The following PBX3 variants were observed in gnomAD, a reference collection of about 807,000 sequenced individuals.
The protein encoded by PBX3 is PBX homeobox 3, also known as pre-B-cell leukemia transcription factor 3.
A neutral mutation model predicts 48.5 loss-of-function variants in PBX3; 14 were observed. That is an observed-to-expected ratio of 0.29 (90% confidence interval 0.19 to 0.45). The LOEUF (loss-of-function observed/expected upper bound fraction) is 0.45, where lower values mean the gene tolerates loss of function less well. PBX3 is among the 20% of genes least tolerant of loss of function. The probability of loss-of-function intolerance (pLI) is 1.00; values close to 1 mark genes in which losing one functional copy is unlikely to be tolerated. For missense variants in PBX3, 386 were observed against 546.7 expected, an observed-to-expected ratio of 0.71 and a Z score of 2.93; for synonymous variants, 210 against 200.3, an observed-to-expected ratio of 1.05 and a Z score of -0.41.
chr9:125,915,905 C>T lies in PBX3; in HGVS notation c.494C>T (p.Thr165Ile), dbSNP rs966517514. Residue 165 changes from threonine (T) to isoleucine (I), a missense_variant, in exon 3 of 9, where the codon ACA (threonine) becomes ATA (isoleucine). Physicochemically the swap from Thr to Ile is moderately conservative, Grantham distance 89. This residue lies in a region of PBX3 where 74 missense variants were observed against 206.1 expected (regional missense o/e 0.36). Transcript: ENST00000373489. ...ACCCAGATCAGACAAATCTATCACA[C>T]AGAACTGGAGAAATATGAACAGGTC... is the stretch of plus-strand genomic sequence containing the variant. ...KLTQIRQIYH[T>I]ELEKYEQACN... is the part of the protein sequence containing the mutation. 1.2e-6 allele frequency: 2 copies of T among 1,613,656 alleles called. No individual in the cohort carries two copies. The highest frequency in any genetic ancestry group is 1.7e-6 in the Non-Finnish European group (2 of 1,179,932).
intron 5 of PBX3, among the ~76,000 whole-genome samples, chr9:125,958,113 G>A (rs1842348061): frequency 6.6e-6 from 1 of 152,138 alleles, no homozygotes; most frequent in Non-Finnish European, 1.5e-5. Flanking sequence ...GGTCACTGAG[G>A]ATTTGTCCTG....
At chr9:125,882,117 C>T (rs1364280880) in intron 2 of PBX3, among the ~76,000 whole-genome samples, 1 of 151,688 alleles carries the variant, frequency 6.6e-6, no homozygotes, top group Non-Finnish European at 1.5e-5. Context: ...GTAATCCTAG[C>T]TACTATGGAG....
At chr9:125,780,201 C>T (rs1037632236) in intron 2 of PBX3, among the ~76,000 whole-genome samples, 1 of 137,336 alleles carries the variant, frequency 7.3e-6, no homozygotes, top group African/African-American at 2.7e-5. Context: ...CTGATCCCCC[C>T]ACCTCCCTCC....
At position 125,778,201 on chromosome 9, in the gene PBX3, A is replaced by C. The variant is rs993206017; in HGVS notation, c.274+29578A>C. On this transcript the variant is annotated intron_variant, in intron 2 of 8. Coordinates refer to ENST00000373489, the MANE Select transcript of PBX3 (RefSeq NM_006195.6). ...GGTCTCAAACTCCAGACCTCAGGTAATCCACTTACCTTGGCCTCCCCAAGT... is the reference window on the plus strand; with the variant it reads ...GGTCTCAAACTCCAGACCTCAGGTACTCCACTTACCTTGGCCTCCCCAAGT... Among the ~76,000 whole-genome samples the C allele has an allele frequency of 2.6e-5, 4 of 151,154 alleles. No homozygotes were observed. In the East Asian group the frequency reaches 5.9e-4, roughly 22 times the overall value.
intron 2 of PBX3, among the ~76,000 whole-genome samples, chr9:125,873,740 A>G (rs934128182): frequency 6.6e-6 from 1 of 152,172 alleles, no homozygotes; most frequent in Admixed American, 6.5e-5. Context: ...AAAGATTTTT[A>G]AAGTCTTCAA....
At chr9:125,827,699 G>T (rs1034633359) in intron 2 of PBX3, among the ~76,000 whole-genome samples, 3 of 152,034 alleles carry the variant, frequency 2.0e-5, no homozygotes, top group Non-Finnish European at 2.9e-5. Flanking sequence ...GTATTCTACC[G>T]TGCAGATGAA....
rs1839369299 is a variant in PBX3 at position 125,844,313 on chromosome 9, T to C, written c.275-71373T>C. Among the ~76,000 whole-genome samples the C allele has an allele frequency of 4.6e-5, 7 of 151,206 alleles. No homozygotes were observed. The South Asian group carries it at 1.5e-3, about 32-fold the overall frequency. ...ACCTTTTTTTTTTTTTTTTAAACTT[T>C]AGGATTTAAAAACAAAAAAAATCAA... On this transcript the variant is annotated intron_variant, in intron 2 of 8. Transcript: ENST00000373489.
intron 2 of PBX3, among the ~76,000 whole-genome samples, chr9:125,817,960 T>C (rs1838516041): frequency 6.6e-6 from 1 of 152,144 alleles, no homozygotes; most frequent in Non-Finnish European, 1.5e-5. Flanking sequence ...CCCAGCACTT[T>C]GGGAGGCCGA....
intron 2 of PBX3, among the ~76,000 whole-genome samples, chr9:125,913,472 A>C (rs1332509286): frequency 6.6e-6 from 1 of 152,114 alleles, no homozygotes; most frequent in Non-Finnish European, 1.5e-5. Context: ...GATGGTTTAT[A>C]TACGTATTTA....
chr9:125,854,872 A>G (rs1414422198), intron 2 of PBX3, among the ~76,000 whole-genome samples: 2 of 152,224 alleles, frequency 1.3e-5, no homozygotes, highest in Non-Finnish European at 2.9e-5. Flanking sequence ...TAAACTAGTT[A>G]CTGGACTTTT....
intron 3 of PBX3, among the ~76,000 whole-genome samples, chr9:125,920,089 A>G (rs1173649438): frequency 6.6e-6 from 1 of 152,210 alleles, no homozygotes; most frequent in Non-Finnish European, 1.5e-5. Flanking sequence ...CTTGAATATT[A>G]CTGCCACCCA....
chr9:125,851,303 GTTGA>G (rs1167192389), intron 2 of PBX3, among the ~76,000 whole-genome samples: 1 of 149,926 alleles, frequency 6.7e-6, no homozygotes, highest in Non-Finnish European at 1.5e-5. Context: ...TCCCAAATCT[GTTGA>G]TTATGTTTAA....
intron 2 of PBX3, among the ~76,000 whole-genome samples, chr9:125,795,059 A>G (rs971276717): frequency 6.6e-6 from 1 of 152,194 alleles, no homozygotes; most frequent in African/African-American, 2.4e-5. Context: ...CTCACTCTCA[A>G]TGAAGCCTTG....
chr9:125,831,647 G>T (rs772505636), intron 2 of PBX3, among the ~76,000 whole-genome samples: 108 of 152,000 alleles, frequency 7.1e-4, no homozygotes, highest in Non-Finnish European at 1.2e-3. Context: ...TCCTCCAGTG[G>T]TGTATAACTT....
intron 2 of PBX3, among the ~76,000 whole-genome samples, chr9:125,850,800 T>C (rs898870238): frequency 2.6e-5 from 4 of 152,100 alleles, no homozygotes; most frequent in Non-Finnish European, 5.9e-5. Flanking sequence ...GCTAAATCTC[T>C]TCCTATTTTT....
Position 125,780,152 on chromosome 9 carries a change from C to A in PBX3, c.274+31529C>A, listed in dbSNP as rs557523629. On this transcript the variant is annotated intron_variant, in intron 2 of 8. Coordinates refer to ENST00000373489, the MANE Select transcript of PBX3 (RefSeq NM_006195.6). ...AGTAGGGGCGGCCGGGCAGAGGCGC[C>A]CCTCACCTCCCGGACGGGGCGGCTG... Among the ~76,000 whole-genome samples the A allele has an allele frequency of 5.1e-5, 7 of 136,742 alleles. No homozygotes were observed. In the South Asian group the frequency reaches 1.6e-3, roughly 32 times the overall value. The allele number at this position is 136,742 out of a possible 152,430, so 89.7% of individuals were successfully genotyped here. A position where few individuals can be genotyped will look rare whatever the true frequency, so the allele number is the denominator to read the frequency against.
intron 2 of PBX3, among the ~76,000 whole-genome samples, chr9:125,838,945 A>G (rs1347002975): frequency 6.6e-6 from 1 of 152,210 alleles, no homozygotes; most frequent in Non-Finnish European, 1.5e-5. Context: ...TTGCCAAGGT[A>G]GAGGAAAAAG....
At chr9:125,797,759 A>G (rs889345026) in intron 2 of PBX3, among the ~76,000 whole-genome samples, 11 of 152,148 alleles carry the variant, frequency 7.2e-5, no homozygotes, top group Admixed American at 6.5e-4. Flanking sequence ...CTTATATTGT[A>G]CATTAGGTAT....
chr9:125,772,553 A>C (rs901898785), intron 2 of PBX3, among the ~76,000 whole-genome samples: 4 of 152,228 alleles, frequency 2.6e-5, no homozygotes, highest in Admixed American at 2.0e-4. Context: ...CCTACTTCTG[A>C]ACTGCTGCTT....
Sources: gnomAD v4.1 joint callset for allele counts (sites outside exome capture counted in the v4.1 genomes callset) on GRCh38, gnomAD v4.1.1 for gene constraint, gnomAD v4.1.1 regional missense constraint, MANE v1.5 for transcripts, NCBI Gene and HGNC (gene_info 2026-07-23, HGNC 2026-07-21) for gene names.